The following TDRD7 variants were observed in gnomAD, a reference collection of about 807,000 sequenced individuals.
TDRD7 encodes tudor domain containing 7.
Under a neutral mutation model 109.8 loss-of-function variants are expected in TDRD7, and 47 were observed. The observed-to-expected ratio is 0.43, with a 90% CI of 0.34 to 0.55. The LOEUF is 0.55. Among genes scored for constraint, TDRD7 ranks in the 20% least tolerant of loss-of-function variants. The probability of loss-of-function intolerance (pLI) is 0.03; values close to 1 mark genes in which losing one functional copy is unlikely to be tolerated. For missense variants in TDRD7, 1,164 were observed against 1,319.2 expected, an observed-to-expected ratio of 0.88 and a Z score of 1.82; for synonymous variants, 424 against 457.3, an observed-to-expected ratio of 0.93 and a Z score of 0.93.
At chr9:97,492,033 C>T (rs1170431012) in intron 16 of TDRD7, among the ~76,000 whole-genome samples, 1 of 152,186 alleles carries the variant, frequency 6.6e-6, no homozygotes, top group East Asian at 1.9e-4. Flanking sequence ...CCTCTGGCTT[C>T]CAGGCCTCTG....
At chr9:97,466,706 A>G (rs564737040) in intron 8 of TDRD7, among the ~76,000 whole-genome samples, 5 of 152,364 alleles carry the variant, frequency 3.3e-5, no homozygotes, top group Admixed American at 2.6e-4. Context: ...AGAGTAATGT[A>G]TAATTTCATG....
At chr9:97,447,377 T>TA (rs1212386839) in intron 6 of TDRD7, among the ~76,000 whole-genome samples, 1 of 152,198 alleles carries the variant, frequency 6.6e-6, no homozygotes, top group Non-Finnish European at 1.5e-5. Flanking sequence ...GAGAATTAGA[T>TA]AAAATATATA....
At chr9:97,475,585 A>C (rs1410257333) in intron 12 of TDRD7, 116 bp downstream of exon 12, 5 of 795,760 alleles carry the variant, frequency 6.3e-6, no homozygotes, top group Non-Finnish European at 1.1e-5. Flanking sequence ...TCAGTTTATG[A>C]AATAAAACAT....
At chr9:97,474,164 A>G (rs536850258) in intron 11 of TDRD7, among the ~76,000 whole-genome samples, 1 of 152,144 alleles carries the variant, frequency 6.6e-6, no homozygotes, top group African/African-American at 2.4e-5. Context: ...TAAGCTCCTT[A>G]TCCTTTAATT....
chr9:97,429,296 CT>C (rs1828060559), intron 2 of TDRD7, among the ~76,000 whole-genome samples: 1 of 152,180 alleles, frequency 6.6e-6, no homozygotes, highest in African/African-American at 2.4e-5. Flanking sequence ...TCTGTCATTG[CT>C]CTTCCACTGC....
Position 97,431,090 on chromosome 9 carries a change from A to C in TDRD7, c.349+16A>C, listed in dbSNP as rs767561084. 1.9e-6 allele frequency: 3 copies of C among 1,613,530 alleles called. No individual in the cohort carries two copies. Among genetic ancestry groups the C allele is most frequent in the South Asian group, 1.1e-5 (1 of 91,084 alleles). ...TTTCTAGAAGGTAGGAGCTTTTTAC[A>C]TGCTAAAATTTTTAGGGCTGTCTAC... On this transcript the variant is annotated intron_variant, in intron 3 of 16. Coordinates refer to ENST00000355295, the MANE Select transcript of TDRD7 (RefSeq NM_014290.3).
At chr9:97,420,425 C>T (rs1037157553) in intron 1 of TDRD7, among the ~76,000 whole-genome samples, 1 of 151,824 alleles carries the variant, frequency 6.6e-6, no homozygotes, top group Non-Finnish European at 1.5e-5. Flanking sequence ...CAGTAAAAAT[C>T]CCTCTTTATA....
Position 97,495,978 on chromosome 9 carries a change from C to G in TDRD7, c.*95C>G. The G allele has an allele frequency of 1.0e-6, 1 of 954,252 alleles. No homozygotes were observed. 59.1% of individuals were successfully genotyped at this position (954,252 alleles called of 1,614,324 possible). ...AAAATCTTAACTCTGCTACATGGCT[C>G]TGACTGCTGTGGGGGATTGAAAAGA... On this transcript the variant is annotated 3_prime_UTR_variant, in exon 17 of 17. Transcript: ENST00000355295.
chr9:97,465,154 G>A (rs1828800845), intron 8 of TDRD7, 126 bp downstream of exon 8: 1 of 1,209,542 alleles, frequency 8.3e-7, no homozygotes, highest in Non-Finnish European at 1.2e-6. Flanking sequence ...GTTTTCAATG[G>A]AAGTTGAAAA....
intron 5 of TDRD7, among the ~76,000 whole-genome samples, chr9:97,440,429 G>A (rs1828283007): frequency 1.3e-5 from 2 of 152,212 alleles, no homozygotes; most frequent in Admixed American, 1.3e-4. Flanking sequence ...TTCTCATTAT[G>A]GGAAGGTCTG....
intron 14 of TDRD7, among the ~76,000 whole-genome samples, chr9:97,481,725 T>C (rs1478533845): frequency 1.3e-5 from 2 of 152,240 alleles, no homozygotes; most frequent in African/African-American, 4.8e-5. Flanking sequence ...TTTTCTCAGC[T>C]ACTCTTTAAG....
rs1828112392 is a variant in TDRD7 at position 97,432,047 on chromosome 9, A to G, written c.372A>G (p.Arg124=). Residue 124 remains arginine (R), a synonymous_variant, in exon 4 of 17, where the codon AGA becomes AGG. Transcript: ENST00000355295. ...FLEGKPKATL[R]QPGFASNFSV... ...TAGGAAAACCAAAAGCAACCCTCAG[A>G]CAACCAGGATTTGCTTCAAATTTTT... 2.5e-6 allele frequency: 4 copies of G among 1,613,834 alleles called. No individual in the cohort carries two copies. Among genetic ancestry groups the G allele is most frequent in the Non-Finnish European group, 2.5e-6 (3 of 1,179,776 alleles).
chr9:97,441,688 A>G lies in TDRD7; in HGVS notation c.668A>G (p.Asn223Ser), dbSNP rs754640304. 1.3e-5 allele frequency: 21 copies of G among 1,612,328 alleles called. No individual in the cohort carries two copies. Among genetic ancestry groups the G allele is most frequent in the South Asian group, 3.3e-5 (3 of 90,856 alleles). ...TTAAATCAGACTGTTGAAAAACCCA[A>G]TGTCAAGCCTCCTGCCTCTTACACT... ...DNLNQTVEKP[N>S]VKPPASYTYK... The change falls in exon 6 of 17, where the codon AAT becomes AGT. Residue 223 changes from asparagine to serine, a missense_variant. Coordinates refer to ENST00000355295, the MANE Select transcript of TDRD7 (RefSeq NM_014290.3).
chr9:97,473,421 G>GA lies in TDRD7; in HGVS notation c.1945-70dup. 6.9e-6 allele frequency: 11 copies of GA among 1,600,474 alleles called. No individual in the cohort carries two copies. In the South Asian group the frequency reaches 1.2e-4, roughly 18 times the overall value. On this transcript the variant is annotated intron_variant, in intron 10 of 16. Coordinates refer to ENST00000355295, the MANE Select transcript of TDRD7 (RefSeq NM_014290.3). The stretch of plus-strand genomic sequence containing the variant: ...AGACTTGTTATGGGATGTTTAGGTA[G>GA]ATACCCTTTAGGTAGGTAAGAGCTG...
intron 6 of TDRD7, among the ~76,000 whole-genome samples, chr9:97,446,887 T>A (rs1256300565): frequency 6.6e-6 from 1 of 152,224 alleles, no homozygotes; most frequent in African/African-American, 2.4e-5. Flanking sequence ...CAGCAATCGA[T>A]ATCCTCAGGC....
At chr9:97,469,780 T>A (rs1371466485) in intron 8 of TDRD7, among the ~76,000 whole-genome samples, 1 of 152,218 alleles carries the variant, frequency 6.6e-6, no homozygotes, top group Non-Finnish European at 1.5e-5. Context: ...ATATAATCCT[T>A]TTAAACTGAA....
chr9:97,454,346 G>T (rs1424748478), intron 6 of TDRD7, among the ~76,000 whole-genome samples: 1 of 152,104 alleles, frequency 6.6e-6, no homozygotes, highest in Non-Finnish European at 1.5e-5. Context: ...CGGGTGTGGT[G>T]GCAGGCACCT....
intron 15 of TDRD7, among the ~76,000 whole-genome samples, chr9:97,485,832 T>G (rs1390575407): frequency 1.3e-5 from 2 of 152,094 alleles, no homozygotes; most frequent in Non-Finnish European, 2.9e-5. Flanking sequence ...CTAATTCAGG[T>G]CTATTTGGCC....
chr9:97,444,126 T>C lies in TDRD7; in HGVS notation c.855+2251T>C, dbSNP rs1828358420. Among the ~76,000 whole-genome samples, 3 of 152,220 alleles carry C rather than the reference T, an allele frequency of 2.0e-5. No homozygotes were observed. The South Asian group carries it at 6.2e-4, about 31-fold the overall frequency. ...TAGTTTTCTACTAAACCTCTGGTGCTAAAACAACTGACTGTTTTTTTGGTT... is the reference window on the plus strand; with the variant it reads ...TAGTTTTCTACTAAACCTCTGGTGCCAAAACAACTGACTGTTTTTTTGGTT... On this transcript the variant is annotated intron_variant, in intron 6 of 16. Coordinates refer to ENST00000355295, the MANE Select transcript of TDRD7 (RefSeq NM_014290.3).
Sources: allele counts gnomAD v4.1 joint callset (sites outside exome capture counted in the v4.1 genomes callset), GRCh38; gene constraint gnomAD v4.1.1; transcripts MANE v1.5; gene names NCBI Gene and HGNC (gene_info 2026-07-23, HGNC 2026-07-21).